CTDSP1: variants seen among roughly 807,000 people sequenced by gnomAD.
CTDSP1 encodes the protein carboxy-terminal domain RNA polymerase II polypeptide A small phosphatase 1.
Under a neutral mutation model 32.5 loss-of-function variants are expected in CTDSP1, and 15 were observed. The ratio of observed to expected loss-of-function variants is 0.46; its 90% CI spans 0.31 to 0.71. CTDSP1 has a LOEUF of 0.71. CTDSP1 is among the 30% of genes least tolerant of loss of function. The pLI is 0.05. For missense variants in CTDSP1, 294 were observed against 351.1 expected (o/e 0.84, Z 1.30); for synonymous variants, 185 against 145.4 (o/e 1.27, Z -1.96).
intron 2 of CTDSP1, 70 bp from the exon 3 acceptor site, chr2:218,402,041 G>A: frequency 9.3e-7 from 1 of 1,080,694 alleles, no homozygotes; most frequent in South Asian, 1.3e-5. Flanking sequence ...CGGCTAGGGG[G>A]AGAAGCCTGC....
At position 218,404,936 on chromosome 2, in the gene CTDSP1, G is replaced by T. The variant is rs759376293; in HGVS notation, c.*511G>T. 6.5e-6 allele frequency: 1 copy of T among 154,362 alleles called. No individual in the cohort carries two copies. The highest frequency in any genetic ancestry group is 6.5e-5 in the Admixed American group (1 of 15,448). 9.6% of individuals were successfully genotyped at this position (154,362 alleles called of 1,614,324 possible). On this transcript the variant is annotated 3_prime_UTR_variant, in exon 7 of 7. Transcript: ENST00000273062. ...CCACCTCCTCCCTTGGGACTGAGAG[G>T]GCCCCTACCAACCTTTGCCTCTGCC...
chr2:218,397,388 A>G (rs866291503), upstream of CTDSP1, among the ~76,000 whole-genome samples: 2 of 152,006 alleles, frequency 1.3e-5, no homozygotes, highest in Non-Finnish European at 2.9e-5. Context: ...AGCTCCCTTT[A>G]GGCCTCCCAG....
intron 4 of CTDSP1, chr2:218,402,664 AAT>A: frequency 1.3e-6 from 1 of 763,888 alleles, no homozygotes; most frequent in Non-Finnish European, 2.4e-6. Flanking sequence ...CAGTTCAAGT[AAT>A]TCAGGATAGG....
chr2:218,397,820 G>A (rs1030665311), upstream of CTDSP1, among the ~76,000 whole-genome samples: 3 of 152,102 alleles, frequency 2.0e-5, no homozygotes, highest in African/African-American at 4.8e-5. Context: ...CAGGCGTGGG[G>A]AGATAAGTCC....
chr2:218,400,055 G>T lies in CTDSP1; in HGVS notation c.-36G>T. ...GCCGGGGGGGAGGCCGGGCGCCCGG[G>T]CCAGAGTCCGGCCGGAGCGGAGCGC... On this transcript the variant is annotated 5_prime_UTR_variant, in exon 1 of 7. Coordinates refer to ENST00000273062, the MANE Select transcript of CTDSP1 (RefSeq NM_021198.3). 4 of 1,383,728 alleles carry T rather than the reference G, an allele frequency of 2.9e-6. No homozygotes were observed. Among genetic ancestry groups the T allele is most frequent in the Non-Finnish European group, 3.8e-6 (4 of 1,065,132 alleles). 85.7% of individuals were successfully genotyped at this position (1,383,728 alleles called of 1,614,324 possible).
chr2:218,400,743 C>T (rs1038098291), intron 1 of CTDSP1: 4 of 455,506 alleles, frequency 8.8e-6, no homozygotes, highest in Non-Finnish European at 1.8e-5. Flanking sequence ...GCTTGGCGCC[C>T]GCGGGGAGAG....
In CTDSP1 at chr2:218,400,205, A is replaced by G. The variant is rs1477867201; in HGVS notation, c.67+48A>G. The G allele has an allele frequency of 2.7e-6, 4 of 1,498,830 alleles. No individual in the cohort carries two copies. The African/African-American group carries it at 5.6e-5, about 21-fold the overall frequency. The allele number at this position is 1,498,830 out of a possible 1,614,324, so 92.8% of individuals were successfully genotyped here. A position where few individuals can be genotyped will look rare whatever the true frequency, so the allele number is the denominator to read the frequency against. ...GCCGAAGCCGGGGCGCCGTGGGAGG[A>G]GAGAAGGGGCCGGGATCTTCCCCAG... On this transcript the variant is annotated intron_variant, in intron 1 of 6. Coordinates refer to ENST00000273062, the MANE Select transcript of CTDSP1 (RefSeq NM_021198.3).
At chr2:218,402,767 A>C in intron 4 of CTDSP1, 3 of 730,596 alleles carry the variant, frequency 4.1e-6, no homozygotes, top group Non-Finnish European at 7.7e-6. Context: ...GGATTCCTGC[A>C]CTAGGCTGAG....
Position 218,404,323 on chromosome 2 carries a change from CAT to C in CTDSP1, c.685_686del (p.Met229GlufsTer2). On this transcript the variant is annotated frameshift_variant, in exon 7 of 7. Transcript: ENST00000273062. LOFTEE classifies it high-confidence loss of function. ...TACCGGTGGCCTCGTGGTTTGACAA[CAT>C]GAGTGACACAGAGCTCCACGACCTC... is the stretch of plus-strand genomic sequence containing the variant. The part of the protein sequence containing the change: ...AVPVASWFDN[M>X]SDTELHDLLP... 6.2e-7 allele frequency: 1 copy of C among 1,614,208 alleles called. No individual in the cohort carries two copies. Among genetic ancestry groups the C allele is most frequent in the South Asian group, 1.1e-5 (1 of 91,090 alleles).
intron 4 of CTDSP1, chr2:218,402,765 G>C: frequency 1.4e-6 from 1 of 731,014 alleles, no homozygotes; most frequent in Non-Finnish European, 2.6e-6. Flanking sequence ...CTGGATTCCT[G>C]CACTAGGCTG....
At chr2:218,400,522 C>G in intron 1 of CTDSP1, 1 of 386,428 alleles carries the variant, frequency 2.6e-6, no homozygotes, top group Non-Finnish European at 5.0e-6. Flanking sequence ...ATGGGCCACC[C>G]GCTGAGACTC....
chr2:218,398,947 C>T (rs1696959918), upstream of CTDSP1: 1 of 152,320 alleles, frequency 6.6e-6, no homozygotes, highest in African/African-American at 2.4e-5. Context: ...TTGAGGGCCT[C>T]TGGTTTGAGG....
intron 4 of CTDSP1, chr2:218,402,607 C>T (rs1485381012): frequency 4.0e-6 from 3 of 755,676 alleles, no homozygotes; most frequent in Non-Finnish European, 2.4e-6. Flanking sequence ...GGCTCCTCCT[C>T]TAGGCTCCCC....
At position 218,403,325 on chromosome 2, in the gene CTDSP1, G is replaced by A. The variant is rs1697253778; in HGVS notation, c.565G>A (p.Val189Met). 7 of 1,614,140 alleles carry A rather than the reference G, an allele frequency of 4.3e-6. No homozygotes were observed. Among genetic ancestry groups the A allele is most frequent in the South Asian group, 1.1e-5 (1 of 91,082 alleles). ...ESCVFHRGNY[V>M]KDLSRLGRDL... ...CTGCGTCTTCCACCGGGGGAACTAC[G>A]TGAAGGACCTGAGCCGGTTGGGTCG... The change falls in exon 6 of 7, where the codon GTG becomes ATG. Residue 189 changes from valine to methionine, a missense_variant. Physicochemically the swap from Val to Met is conservative, Grantham distance 21. This residue lies in a region of CTDSP1 where 146 missense variants were observed against 237.7 expected (regional missense o/e 0.61). Coordinates refer to ENST00000273062, the MANE Select transcript of CTDSP1 (RefSeq NM_021198.3).
chr2:218,397,227 C>G (rs962452123), upstream of CTDSP1, among the ~76,000 whole-genome samples: 1 of 152,202 alleles, frequency 6.6e-6, no homozygotes. Flanking sequence ...GGGCAAAGGG[C>G]TAGTGATGAG....
chr2:218,402,576 T>G lies in CTDSP1; in HGVS notation c.378+171T>G. ...CACACAGAACCTCAAGGGCTTGTGCTGACTCCAAGCCTGCAGAGTGGGCTC... is the reference window on the plus strand; with the variant it reads ...CACACAGAACCTCAAGGGCTTGTGCGGACTCCAAGCCTGCAGAGTGGGCTC... On this transcript the variant is annotated intron_variant, in intron 4 of 6. Transcript: ENST00000273062. The G allele has an allele frequency of 3.8e-6, 3 of 788,154 alleles. No individual in the cohort carries two copies. The East Asian group carries it at 7.7e-5, about 20-fold the overall frequency. 48.8% of individuals were successfully genotyped at this position (788,154 alleles called of 1,614,324 possible).
intron 1 of CTDSP1, chr2:218,401,032 C>A: frequency 2.3e-6 from 1 of 430,014 alleles, no homozygotes; most frequent in South Asian, 1.6e-5. Flanking sequence ...GGTCGGAGGT[C>A]TGGGCGGGGC....
intron 1 of CTDSP1, chr2:218,400,515 G>T: frequency 2.6e-6 from 1 of 392,038 alleles, no homozygotes; most frequent in Non-Finnish European, 4.9e-6. Flanking sequence ...GGCGCCTATG[G>T]GCCACCCGCT....
chr2:218,404,222 C>T, intron 6 of CTDSP1, 75 bp from the exon 7 acceptor site: 1 of 1,558,100 alleles, frequency 6.4e-7, no homozygotes, highest in Non-Finnish European at 8.7e-7. Context: ...TGAGTAGTGG[C>T]TACATAGGGC....
Sources: allele counts gnomAD v4.1 joint callset (sites outside exome capture counted in the v4.1 genomes callset), GRCh38; gene constraint gnomAD v4.1.1; regional missense constraint gnomAD v4.1.1; transcripts MANE v1.5; gene names NCBI Gene and HGNC (gene_info 2026-07-23, HGNC 2026-07-21).